Variants in WWP1 observed in about 807,000 individuals in gnomAD.
WWP1 encodes the protein NEDD4-like E3 ubiquitin-protein ligase WWP1.
In WWP1, 49 loss-of-function variants were observed where a neutral mutation model predicts 130.6. The ratio of observed to expected loss-of-function variants is 0.38; its 90% CI spans 0.30 to 0.48. WWP1 has a LOEUF of 0.48. Ranked by LOEUF, WWP1 falls within the 20% of genes least tolerant of loss-of-function variation. The pLI is 0.99. For missense variants in WWP1, 809 were observed against 1,100.6 expected, an observed-to-expected ratio of 0.74 and a Z score of 3.75; for synonymous variants, 332 against 367.8, an observed-to-expected ratio of 0.90 and a Z score of 1.11.
At chr8:86,454,779 T>G (rs753854970) in intron 21 of WWP1, among the ~76,000 whole-genome samples, 24 of 152,046 alleles carry the variant, frequency 1.6e-4, no homozygotes, top group Non-Finnish European at 3.4e-4. Flanking sequence ...GTTTATAATG[T>G]TCTCACATAC....
At chr8:86,355,399 T>C (rs1823195612) in intron 1 of WWP1, among the ~76,000 whole-genome samples, 1 of 152,220 alleles carries the variant, frequency 6.6e-6, no homozygotes, top group Non-Finnish European at 1.5e-5. Flanking sequence ...TTTGTGCTGC[T>C]TCATAAATGC....
intron 1 of WWP1, among the ~76,000 whole-genome samples, chr8:86,362,063 C>CATATATATACACATATATACACACAT (rs1823664985): frequency 8.3e-5 from 11 of 131,946 alleles, no homozygotes; most frequent in Admixed American, 1.6e-4. Context: ...TATATACACA[C>CATATATATACACATATATACACACAT]ATATATATAC....
intron 1 of WWP1, among the ~76,000 whole-genome samples, chr8:86,355,437 A>G (rs1823198168): frequency 6.6e-6 from 1 of 152,272 alleles, no homozygotes; most frequent in African/African-American, 2.4e-5. Flanking sequence ...CAAGAATGCC[A>G]AAATATTAAA....
intron 9 of WWP1, among the ~76,000 whole-genome samples, chr8:86,416,331 G>A (rs1203518410): frequency 6.6e-6 from 1 of 152,076 alleles, no homozygotes; most frequent in Non-Finnish European, 1.5e-5. Flanking sequence ...AGAACTGAGG[G>A]GTAGATTGTT....
chr8:86,399,506 A>G (rs1807853186), intron 7 of WWP1, among the ~76,000 whole-genome samples: 1 of 152,264 alleles, frequency 6.6e-6, no homozygotes, highest in Admixed American at 6.5e-5. Flanking sequence ...ATGCTAGTAT[A>G]TGACAAAGTG....
chr8:86,417,084 G>A (rs532321707), intron 9 of WWP1: 2 of 152,522 alleles, frequency 1.3e-5, no homozygotes, highest in African/African-American at 2.4e-5. Flanking sequence ...GCCAGGGGAG[G>A]AGAGAAGGGC....
intron 3 of WWP1, among the ~76,000 whole-genome samples, chr8:86,376,543 T>TG (rs1824664243): frequency 6.6e-6 from 1 of 151,340 alleles, no homozygotes; most frequent in Admixed American, 6.6e-5. Context: ...CATTCCAGCC[T>TG]GGGGGATAAA....
At chr8:86,358,912 A>T (rs940772929) in intron 1 of WWP1, among the ~76,000 whole-genome samples, 16 of 152,204 alleles carry the variant, frequency 1.1e-4, no homozygotes, top group African/African-American at 3.9e-4. Context: ...TAGAGAAAAA[A>T]ACATGGTTAG....
At chr8:86,429,864 A>G (rs961682907) in intron 11 of WWP1, among the ~76,000 whole-genome samples, 1 of 152,150 alleles carries the variant, frequency 6.6e-6, no homozygotes, top group Non-Finnish European at 1.5e-5. Context: ...ACTAATAATT[A>G]ATTTGATAGT....
At position 86,413,994 on chromosome 8, in the gene WWP1, G is replaced by A. The variant is rs112523461; in HGVS notation, c.1061+2120G>A. 3.0e-3 allele frequency among the ~76,000 whole-genome samples: 456 copies of A among 152,256 alleles called. 5 individuals are homozygous for A. Among genetic ancestry groups the A allele is most frequent in the African/African-American group, 0.011 (437 of 41,518 alleles). ...ACAGTAAGTACATAAACCTAATTCT[G>A]TTGAGACCAGATAAATGCTTCAGCA... On this transcript the variant is annotated intron_variant, in intron 9 of 24. Coordinates refer to ENST00000517970, the MANE Select transcript of WWP1 (RefSeq NM_007013.4).
intron 5 of WWP1, among the ~76,000 whole-genome samples, chr8:86,388,832 G>A (rs377063263): frequency 8.6e-5 from 13 of 151,974 alleles, no homozygotes; most frequent in East Asian, 7.7e-4. Context: ...TTATTATTTT[G>A]ACTTCTGCAG....
intron 1 of WWP1, among the ~76,000 whole-genome samples, 164 bp from the exon 2 acceptor site, chr8:86,368,775 C>G (rs970586624): frequency 6.6e-6 from 1 of 152,150 alleles, no homozygotes; most frequent in African/African-American, 2.4e-5. Context: ...AAGAATTACA[C>G]ACTTCAAGAC....
intron 1 of WWP1, among the ~76,000 whole-genome samples, chr8:86,358,406 C>T (rs1313365708): frequency 6.6e-6 from 1 of 151,948 alleles, no homozygotes; most frequent in Non-Finnish European, 1.5e-5. Flanking sequence ...GTTGTCTTAG[C>T]AGTTAACATA....
chr8:86,407,289 A>G (rs537464370), intron 8 of WWP1, among the ~76,000 whole-genome samples: 42 of 152,102 alleles, frequency 2.8e-4, no homozygotes, highest in Middle Eastern at 3.4e-3. Context: ...TCTTTCTTAT[A>G]TCCATTTGTC....
intron 9 of WWP1, among the ~76,000 whole-genome samples, chr8:86,421,600 G>T (rs1809210770): frequency 6.6e-6 from 1 of 152,078 alleles, no homozygotes; most frequent in Non-Finnish European, 1.5e-5. Flanking sequence ...CGAGGCGGAA[G>T]GATCACGAGG....
intron 16 of WWP1, 110 bp downstream of exon 16, chr8:86,435,814 T>A: frequency 1.0e-6 from 1 of 973,478 alleles, no homozygotes; most frequent in Non-Finnish European, 1.5e-6. Context: ...ACAGCTATAA[T>A]AATAATGACT....
intron 10 of WWP1, 56 bp downstream of exon 10, chr8:86,425,374 T>A (rs1809562158): frequency 1.0e-5 from 14 of 1,362,430 alleles, no homozygotes; most frequent in African/African-American, 1.5e-5. Flanking sequence ...ATGTGGTTTT[T>A]AAATTTATTT....
At chr8:86,415,982 ATGAC>A (rs1209013625) in intron 9 of WWP1, among the ~76,000 whole-genome samples, 5 of 152,232 alleles carry the variant, frequency 3.3e-5, no homozygotes, top group African/African-American at 9.7e-5. Context: ...ATGATTTAGA[ATGAC>A]TGAGCAATTG....
chr8:86,441,252 G>GGTAT (rs1366059607), intron 17 of WWP1, among the ~76,000 whole-genome samples: 1 of 152,062 alleles, frequency 6.6e-6, no homozygotes, highest in African/African-American at 2.4e-5. Flanking sequence ...TCTTACCTGG[G>GGTAT]GTATGTCTTA....
Sources: allele counts gnomAD v4.1 joint callset (sites outside exome capture counted in the v4.1 genomes callset), GRCh38; gene constraint gnomAD v4.1.1; transcripts MANE v1.5; gene names NCBI Gene and HGNC (gene_info 2026-07-23, HGNC 2026-07-21).